The following MYO16 variants were observed in gnomAD, a reference collection of about 807,000 sequenced individuals.
MYO16 encodes unconventional myosin-XVI.
In MYO16, 94 loss-of-function variants were observed where a neutral mutation model predicts 205.3. That is an observed-to-expected ratio of 0.46 (90% CI 0.39 to 0.54). MYO16 has a LOEUF of 0.54. Among genes scored for constraint, MYO16 ranks in the 20% least tolerant of loss-of-function variants. The probability of loss-of-function intolerance (pLI) is 0.00; values close to 1 mark genes in which losing one functional copy is unlikely to be tolerated. For synonymous variants in MYO16, 988 were observed against 954.0 expected, an observed-to-expected ratio of 1.04 and a Z score of -0.66; for missense variants, 2,315 against 2,387.5, an observed-to-expected ratio of 0.97 and a Z score of 0.63.
chr13:108,902,647 G>T (rs1424808448), intron 15 of MYO16, among the ~76,000 whole-genome samples: 2 of 152,164 alleles, frequency 1.3e-5, no homozygotes, highest in Non-Finnish European at 2.9e-5. Context: ...GGTTGCTGCT[G>T]ATCTTTAGTG....
chr13:108,762,069 C>T (rs1885627299), intron 4 of MYO16, among the ~76,000 whole-genome samples: 1 of 152,182 alleles, frequency 6.6e-6, no homozygotes, highest in Non-Finnish European at 1.5e-5. Flanking sequence ...CATGAATTAG[C>T]TCCCATTTAT....
At chr13:109,113,743 A>G (rs370984242) in intron 28 of MYO16, among the ~76,000 whole-genome samples, 2 of 152,150 alleles carry the variant, frequency 1.3e-5, no homozygotes, top group African/African-American at 4.8e-5. Context: ...AAGAGTGGGT[A>G]GGGATGGATG....
intron 20 of MYO16, among the ~76,000 whole-genome samples, chr13:108,978,974 A>C (rs2139409778): frequency 1.3e-5 from 2 of 152,050 alleles, no homozygotes; most frequent in East Asian, 3.9e-4. Context: ...AATCATAGCT[A>C]GCTTTGTTTA....
At chr13:108,693,147 TAATA>T (rs1473685366) in intron 2 of MYO16, among the ~76,000 whole-genome samples, 1 of 152,196 alleles carries the variant, frequency 6.6e-6, no homozygotes, top group Admixed American at 6.5e-5. Flanking sequence ...ATTACAATGA[TAATA>T]AATAATATAT....
chr13:109,192,450 A>G (rs1879962426), intron 34 of MYO16, among the ~76,000 whole-genome samples: 1 of 151,980 alleles, frequency 6.6e-6, no homozygotes, highest in African/African-American at 2.4e-5. Flanking sequence ...TTGTTCTGAC[A>G]TTATCTTAAG....
chr13:108,539,521 C>T, the MYO16 span, among the ~76,000 whole-genome samples: 1 of 152,058 alleles, frequency 6.6e-6, no homozygotes, highest in Non-Finnish European at 1.5e-5. Flanking sequence ...GATGAACCTC[C>T]CTGTGGGACA....
Position 108,995,672 on chromosome 13 carries a change from G to A in MYO16, c.2442+3224G>A, listed in dbSNP as rs893671179. On this transcript the variant is annotated intron_variant, in intron 21 of 34. Coordinates refer to ENST00000457511, the MANE Select transcript of MYO16 (RefSeq NM_001198950.3). ...TTCTCATTGTTCAATTCCCACCTAT[G>A]AGTGAGAACATGCGGTGTTTCGTTT... Among the ~76,000 whole-genome samples, 3 of 152,026 alleles carry A rather than the reference G, an allele frequency of 2.0e-5. No individual in the cohort carries two copies. In the South Asian group the frequency reaches 6.2e-4, roughly 32 times the overall value.
chr13:108,697,709 C>T (rs150522323), intron 2 of MYO16, among the ~76,000 whole-genome samples: 178 of 152,024 alleles, frequency 1.2e-3, no homozygotes, highest in African/African-American at 4.1e-3. Context: ...GTGTATTACT[C>T]TTTTTCTTTC....
chr13:109,160,772 CTTTG>C (rs1461092023), intron 32 of MYO16, among the ~76,000 whole-genome samples: 3 of 152,186 alleles, frequency 2.0e-5, no homozygotes, highest in Non-Finnish European at 4.4e-5. Flanking sequence ...GTCTTGATGA[CTTTG>C]TTTGCACTGT....
At chr13:108,664,472 A>G (rs1881638724) in intron 1 of MYO16, among the ~76,000 whole-genome samples, 1 of 152,170 alleles carries the variant, frequency 6.6e-6, no homozygotes, top group African/African-American at 2.4e-5. Flanking sequence ...GGCGGCTGTG[A>G]GAATAAAGAC....
At chr13:109,169,356 G>A (rs1473683556) in intron 33 of MYO16, among the ~76,000 whole-genome samples, 1 of 138,052 alleles carries the variant, frequency 7.2e-6, no homozygotes, top group Admixed American at 7.3e-5. Flanking sequence ...ATAAGTTATT[G>A]AAATATAAAA....
chr13:109,141,196 G>A lies in MYO16; in HGVS notation c.4984G>A (p.Val1662Met), dbSNP rs753195434. 8 of 1,606,586 alleles carry A rather than the reference G, an allele frequency of 5.0e-6. No homozygotes were observed. The highest frequency in any genetic ancestry group is 1.1e-5 in the South Asian group (1 of 90,764). The change falls in exon 32 of 35, where the codon GTG becomes ATG. Residue 1662 changes from valine to methionine, a missense_variant. Around this residue, in one of 3 missense-constraint regions of MYO16, gnomAD observed 1,097 missense variants for 1,092.0 expected, o/e 1.00. Coordinates refer to ENST00000457511, the MANE Select transcript of MYO16 (RefSeq NM_001198950.3). This position sits in a 1 kb window ranked among gnomAD's most constrained non-coding sequence, Gnocchi z 4.1. The stretch of plus-strand genomic sequence containing the variant: ...CTTCCCCAAGATCCCATATTCCCCC[G>A]TGAAGGCCACCAGGGCGGACGCCAG... ...SSFPKIPYSP[V>M]KATRADARKA...
At chr13:108,834,216 G>A (rs948151839) in intron 9 of MYO16, among the ~76,000 whole-genome samples, 7 of 152,248 alleles carry the variant, frequency 4.6e-5, no homozygotes, top group African/African-American at 1.7e-4. Flanking sequence ...GAGCTAGGGG[G>A]AAAGTACGTA....
intron 4 of MYO16, among the ~76,000 whole-genome samples, chr13:108,739,669 T>G (rs1164566804): frequency 6.6e-6 from 1 of 152,186 alleles, no homozygotes; most frequent in Non-Finnish European, 1.5e-5. Context: ...TTTCCTGAAT[T>G]TGAATGTTGG....
chr13:108,969,533 G>A (rs920962402), intron 20 of MYO16, among the ~76,000 whole-genome samples: 1 of 152,164 alleles, frequency 6.6e-6, no homozygotes, highest in Non-Finnish European at 1.5e-5. Context: ...CCAAAGGCGT[G>A]TGGCCCTCTC....
At chr13:109,128,566 G>A (rs1876375623) in intron 31 of MYO16, among the ~76,000 whole-genome samples, 2 of 151,898 alleles carry the variant, frequency 1.3e-5, no homozygotes, top group African/African-American at 4.8e-5. Context: ...GAGGACTGAA[G>A]CAGTAAGTCC....
intron 5 of MYO16, among the ~76,000 whole-genome samples, chr13:108,792,512 C>CTTTTTTT (rs35311611): frequency 7.7e-6 from 1 of 129,324 alleles, no homozygotes; most frequent in Admixed American, 7.9e-5. Flanking sequence ...ATACTAATGT[C>CTTTTTTT]TTTTTTTTTT....
chr13:108,829,838 C>T (rs1413142418), intron 9 of MYO16, among the ~76,000 whole-genome samples: 1 of 152,096 alleles, frequency 6.6e-6, no homozygotes, highest in Non-Finnish European at 1.5e-5. Flanking sequence ...TGGGAAAGCT[C>T]TGAAAAATCA....
intron 34 of MYO16, among the ~76,000 whole-genome samples, chr13:109,205,730 CA>C (rs1396460548): frequency 3.9e-5 from 6 of 152,160 alleles, no homozygotes; most frequent in Admixed American, 3.3e-4. Context: ...TAGCTGAAGT[CA>C]GGGGGTAAGC....
Sources: allele counts gnomAD v4.1 joint callset (sites outside exome capture counted in the v4.1 genomes callset), GRCh38; gene constraint gnomAD v4.1.1; regional missense constraint gnomAD v4.1.1; non-coding constraint Gnocchi (gnomAD v3.1); transcripts MANE v1.5; gene names NCBI Gene and HGNC (gene_info 2026-07-23, HGNC 2026-07-21).